AAGAB: variants seen among roughly 807,000 people sequenced by gnomAD.
AAGAB encodes alpha- and gamma-adaptin-binding protein p34.
A neutral mutation model predicts 44.1 loss-of-function variants in AAGAB; 38 were observed. That is an observed-to-expected ratio of 0.86 (90% CI 0.67 to 1.13). The LOEUF (loss-of-function observed/expected upper bound fraction) is 1.13. Ranked by LOEUF, AAGAB falls within the 50% of genes most tolerant of loss-of-function variation. The pLI, the probability that AAGAB is intolerant of heterozygous loss-of-function variation, is 0.00. For missense variants in AAGAB, 450 were observed against 373.8 expected (o/e 1.20, Z -1.68); for synonymous variants, 131 against 131.8 (o/e 0.99, Z 0.04).
Position 67,236,438 on chromosome 15 carries a change from T to C in AAGAB, c.331A>G (p.Ile111Val). Residue 111 changes from isoleucine to valine, a missense_variant, in exon 3 of 10, where the codon ATC becomes GTC. Transcript: ENST00000261880. ...LAKAWLPEVM[I>V]LVCDRVSEDG... ...TCAGACACTCTATCGCAGACCAAGA[T>C]CATCACCTCAGGTAACCATGCTTTT... 1.2e-6 allele frequency: 2 copies of C among 1,614,068 alleles called. No homozygotes were observed. The highest frequency in any genetic ancestry group is 1.7e-6 in the Non-Finnish European group (2 of 1,180,000).
Position 67,246,627 on chromosome 15 carries a change from A to C in AAGAB, c.73+7932T>G, listed in dbSNP as rs150924178. ...GGGGACTAGCTAAAGGATTGTAAAC[A>C]CACCAATCAGCACTCTGTAAAAACA... On this transcript the variant is annotated intron_variant, in intron 1 of 9. Coordinates refer to ENST00000261880, the MANE Select transcript of AAGAB (RefSeq NM_024666.5). Among the ~76,000 whole-genome samples the C allele has an allele frequency of 1.8e-3, 280 of 152,192 alleles. 1 individual carries two copies. The highest frequency in any genetic ancestry group is 5.1e-3 in the Admixed American group (78 of 15,276).
At chr15:67,234,277 A>G (rs1236434156) in intron 4 of AAGAB, among the ~76,000 whole-genome samples, 1 of 152,032 alleles carries the variant, frequency 6.6e-6, no homozygotes, top group Non-Finnish European at 1.5e-5. Flanking sequence ...ATAAATAAAA[A>G]TAAAGAAAGA....
intron 1 of AAGAB, among the ~76,000 whole-genome samples, chr15:67,241,064 C>CACACACACAT (rs1964586896): frequency 1.3e-5 from 2 of 151,766 alleles, no homozygotes; most frequent in South Asian, 4.2e-4. Context: ...CACACACACA[C>CACACACACAT]ACACACATTT....
chr15:67,229,275 A>G (rs1428535504), intron 5 of AAGAB, among the ~76,000 whole-genome samples: 1 of 152,126 alleles, frequency 6.6e-6, no homozygotes, highest in Non-Finnish European at 1.5e-5. Context: ...TCTACTAAAA[A>G]TACAAAAATT....
chr15:67,213,554 A>C (rs190421550), intron 5 of AAGAB, among the ~76,000 whole-genome samples: 3 of 152,154 alleles, frequency 2.0e-5, no homozygotes, highest in Non-Finnish European at 4.4e-5. Context: ...TTGCTTTTTA[A>C]AAAGTATTTT....
In AAGAB at chr15:67,248,560, T is replaced by C. The variant is rs148623623; in HGVS notation, c.73+5999A>G. Among the ~76,000 whole-genome samples the C allele has an allele frequency of 6.9e-4, 105 of 152,028 alleles. 4 individuals are homozygous for C. In the East Asian group the frequency reaches 0.012, roughly 17 times the overall value. Reference sequence around the variant, plus strand: ...AAGACTCAAGCTTTTATCCCCATTCTGTTGCTAGACAATGGTGTCAAAGCA... The same window carrying C: ...AAGACTCAAGCTTTTATCCCCATTCCGTTGCTAGACAATGGTGTCAAAGCA... On this transcript the variant is annotated intron_variant, in intron 1 of 9. Transcript: ENST00000261880.
intron 1 of AAGAB, among the ~76,000 whole-genome samples, chr15:67,248,130 T>C (rs982567736): frequency 6.6e-6 from 1 of 152,250 alleles, no homozygotes; most frequent in African/African-American, 2.4e-5. Context: ...TGAACATTTA[T>C]GCTTCTCCTC....
At position 67,202,093 on chromosome 15, in the gene AAGAB, C is replaced by T. The variant is rs1486055724; in HGVS notation, c.*728G>A. On this transcript the variant is annotated 3_prime_UTR_variant, in exon 10 of 10. Coordinates refer to ENST00000261880, the MANE Select transcript of AAGAB (RefSeq NM_024666.5). The stretch of plus-strand genomic sequence containing the variant: ...TCACATACTGTCTCCATGGCCCATA[C>T]AAGGACTCCTTAAGGTTCTCTCTAA... 2 of 152,368 alleles carry T rather than the reference C, an allele frequency of 1.3e-5. No homozygotes were observed. The highest frequency in any genetic ancestry group is 1.3e-4 in the Admixed American group (2 of 15,280). 9.4% of individuals were successfully genotyped at this position (152,368 alleles called of 1,614,324 possible). A position where few individuals can be genotyped will look rare whatever the true frequency, so the allele number is the denominator to read the frequency against.
chr15:67,237,422 C>G (rs1964496363), intron 1 of AAGAB, among the ~76,000 whole-genome samples: 1 of 152,152 alleles, frequency 6.6e-6, no homozygotes. Context: ...CTTGTTTGAT[C>G]AAGACACTTC....
chr15:67,231,691 C>T (rs562538187), intron 5 of AAGAB, 123 bp downstream of exon 5: 69 of 760,332 alleles, frequency 9.1e-5, no homozygotes, highest in South Asian at 5.0e-4. Context: ...CTTCAATCAG[C>T]GAACTGAAAT....
intron 4 of AAGAB, chr15:67,232,903 A>G (rs1964374402): frequency 6.4e-6 from 1 of 155,962 alleles, no homozygotes; most frequent in South Asian, 1.9e-4. Flanking sequence ...TAATAAACTA[A>G]AAACTTTCAT....
At chr15:67,222,567 T>C (rs569295649) in intron 5 of AAGAB, among the ~76,000 whole-genome samples, 1 of 152,092 alleles carries the variant, frequency 6.6e-6, no homozygotes, top group African/African-American at 2.4e-5. Context: ...CTGAGCCACA[T>C]TTGCATCCAC....
chr15:67,249,521 T>C (rs1964811325), intron 1 of AAGAB, among the ~76,000 whole-genome samples: 1 of 152,256 alleles, frequency 6.6e-6, no homozygotes, highest in Non-Finnish European at 1.5e-5. Context: ...TCTTTTTTAA[T>C]ATGTATTTAA....
At chr15:67,246,391 C>CAAA (rs59205947) in intron 1 of AAGAB, among the ~76,000 whole-genome samples, 7 of 109,796 alleles carry the variant, frequency 6.4e-5, no homozygotes, top group African/African-American at 1.3e-4. Context: ...GATCCTGTCT[C>CAAA]AAAAAAAAAA....
chr15:67,249,696 C>A (rs976676331), intron 1 of AAGAB, among the ~76,000 whole-genome samples: 1 of 152,176 alleles, frequency 6.6e-6, no homozygotes, highest in African/African-American at 2.4e-5. Flanking sequence ...ACCAGTGCCA[C>A]CACCTTAAAT....
rs1963563079 is a variant in AAGAB at position 67,201,221 on chromosome 15, A to G, written c.*1600T>C. On this transcript the variant is annotated 3_prime_UTR_variant, in exon 10 of 10. Transcript: ENST00000261880. ...TCCCAGAGCCAACTTCCCTAATGCA[A>G]TCACCTCAAAGAAACACTGATGGGC... is the stretch of plus-strand genomic sequence containing the variant. 6.7e-6 allele frequency: 1 copy of G among 149,730 alleles called. No homozygotes were observed. Among genetic ancestry groups the G allele is most frequent in the Non-Finnish European group, 1.5e-5 (1 of 67,652 alleles). The allele number at this position is 149,730 out of a possible 1,614,324, so 9.3% of individuals were successfully genotyped here. A position where few individuals can be genotyped will look rare whatever the true frequency, so the allele number is the denominator to read the frequency against.
rs763047821 is a variant in AAGAB at position 67,236,801 on chromosome 15, ATCT to A, written c.90_92del (p.Glu30del). On this transcript the variant is annotated inframe_deletion, in exon 2 of 10. Transcript: ENST00000261880. ...CATTGGAAGTCACTTCCACAATAAG[ATCT>A]TCTGTTCCAAGGATATCTAAAAATA... The A allele has an allele frequency of 3.1e-6, 5 of 1,610,744 alleles. No individual in the cohort carries two copies. Among genetic ancestry groups the A allele is most frequent in the Non-Finnish European group, 4.2e-6 (5 of 1,178,692 alleles).
Position 67,231,809 on chromosome 15 carries a change from C to T in AAGAB, c.535+5G>A. ...AAAAAATGACTTGAGTCCCAAGTTA[C>T]TTACCATTCTTCATCACTACATTGG... On this transcript the variant is annotated splice_donor_5th_base_variant and intron_variant, in intron 5 of 9. Coordinates refer to ENST00000261880, the MANE Select transcript of AAGAB (RefSeq NM_024666.5). 5.0e-6 allele frequency: 8 copies of T among 1,606,556 alleles called. No individual in the cohort carries two copies. Among genetic ancestry groups the T allele is most frequent in the Non-Finnish European group, 6.8e-6 (8 of 1,173,668 alleles).
chr15:67,212,358 C>T (rs1963844584), intron 5 of AAGAB, among the ~76,000 whole-genome samples: 2 of 151,636 alleles, frequency 1.3e-5, no homozygotes, highest in South Asian at 2.1e-4. Flanking sequence ...TGCTGTGTAT[C>T]GCAATTAAAA....
Sources: allele counts gnomAD v4.1 joint callset (sites outside exome capture counted in the v4.1 genomes callset), GRCh38; gene constraint gnomAD v4.1.1; transcripts MANE v1.5; gene names NCBI Gene and HGNC (gene_info 2026-07-23, HGNC 2026-07-21).